PIWIL2: variants seen among roughly 807,000 people sequenced by gnomAD.
PIWIL2 encodes piwi-like protein 2.
Under a neutral mutation model 116.5 loss-of-function variants are expected in PIWIL2, and 81 were observed. The ratio of observed to expected loss-of-function variants is 0.70; its 90% CI spans 0.58 to 0.84. The LOEUF (loss-of-function observed/expected upper bound fraction) is 0.84. PIWIL2 is among the 40% of genes least tolerant of loss of function. The probability of loss-of-function intolerance (pLI) is 0.00; values close to 1 mark genes in which losing one functional copy is unlikely to be tolerated. For synonymous variants in PIWIL2, 489 were observed against 429.5 expected (o/e 1.14, Z -1.71); for missense variants, 1,272 against 1,212.3 (o/e 1.05, Z -0.73).
At chr8:22,349,100 G>A (rs1462032419) in intron 20 of PIWIL2, among the ~76,000 whole-genome samples, 1 of 146,918 alleles carries the variant, frequency 6.8e-6, no homozygotes, top group African/African-American at 2.5e-5. Context: ...CCAGGCTGGA[G>A]TGCAGAGGCA....
In PIWIL2 at chr8:22,335,269, ATTACAT is replaced by A. The variant is rs567198156; in HGVS notation, c.2403+16996_2403+17001del. ...AGATGTAAAGATCACCTTATTAATA[ATTACAT>A]TAAGTGTAACTGAACTCAACACTCA... On this transcript the variant is annotated intron_variant, in intron 20 of 22. Coordinates refer to ENST00000356766, the MANE Select transcript of PIWIL2 (RefSeq NM_018068.5). Among the ~76,000 whole-genome samples, 64 of 152,306 alleles carry A rather than the reference ATTACAT, an allele frequency of 4.2e-4. 1 individual carries two copies. Among genetic ancestry groups the A allele is most frequent in the African/African-American group, 1.5e-3 (64 of 41,562 alleles).
rs577580149 is a variant in PIWIL2 at position 22,338,073 on chromosome 8, CAA to C, written c.2404-14885_2404-14884del. ...CATGCCACTGCTACAGCCTGTGTGA[CAA>C]GAGCGAGACTCCATCTCAAAAAAAA... On this transcript the variant is annotated intron_variant, in intron 20 of 22. Coordinates refer to ENST00000356766, the MANE Select transcript of PIWIL2 (RefSeq NM_018068.5). Among the ~76,000 whole-genome samples, 66 of 150,222 alleles carry C rather than the reference CAA, an allele frequency of 4.4e-4. 1 individual carries two copies. Among genetic ancestry groups the C allele is most frequent in the African/African-American group, 1.6e-3 (66 of 40,758 alleles).
intron 10 of PIWIL2, among the ~76,000 whole-genome samples, chr8:22,290,860 G>A (rs1176302111): frequency 1.3e-5 from 2 of 151,954 alleles, no homozygotes; most frequent in African/African-American, 4.8e-5. Flanking sequence ...TTGAGAAGGA[G>A]TTTTGTTTAA....
chr8:22,334,028 C>T (rs1831923181), intron 20 of PIWIL2, among the ~76,000 whole-genome samples: 1 of 150,220 alleles, frequency 6.7e-6, no homozygotes. Context: ...GGATGGAGTG[C>T]AGTGGTAGGA....
rs1304454872 is a variant in PIWIL2 at position 22,314,336 on chromosome 8, A to G, written c.1998A>G (p.Ile666Met). 8 of 1,551,174 alleles carry G rather than the reference A, an allele frequency of 5.2e-6. No individual in the cohort carries two copies. In the South Asian group the frequency reaches 8.6e-5, roughly 17 times the overall value. The change falls in exon 17 of 23, where the codon ATA (isoleucine) becomes ATG (methionine). Residue 666 changes from isoleucine to methionine, a missense_variant. Ile to Met is a conservative substitution (Grantham distance 10). Coordinates refer to ENST00000356766, the MANE Select transcript of PIWIL2 (RefSeq NM_018068.5). ...IQSTLGAEGK[I>M]QMVVCIIMGP... The stretch of plus-strand genomic sequence containing the variant: ...TACCTTATCTCCTCAAGGGGAAGAT[A>G]CAGATGGTTGTTTGCATCATCATGG...
At position 22,353,764 on chromosome 8, in the gene PIWIL2, CTTTTTTTTTTTTT is replaced by C. The variant is rs760913894; in HGVS notation, c.2658-491_2658-479del. Among the ~76,000 whole-genome samples, 40 of 68,368 alleles carry C rather than the reference CTTTTTTTTTTTTT, an allele frequency of 5.9e-4. 3 individuals carry two copies. The highest frequency in any genetic ancestry group is 0.031 in the Middle Eastern group (2 of 64). The allele number at this position is 68,368 out of a possible 152,430, so 44.9% of individuals were successfully genotyped here. A position where few individuals can be genotyped will look rare whatever the true frequency, so the allele number is the denominator to read the frequency against. ...CAGGAAGATAAGGGAGTTTCTACCA[CTTTTTTTTTTTTT>C]TTTTTTTTTTTTTTTGAGGCAGGGT... On this transcript the variant is annotated intron_variant, in intron 21 of 22. Transcript: ENST00000356766.
intron 20 of PIWIL2, chr8:22,321,977 C>G: frequency 1.0e-6 from 1 of 984,974 alleles, no homozygotes; most frequent in Non-Finnish European, 1.2e-6. Flanking sequence ...CACTTGTCCT[C>G]TGGACTCGCA....
In PIWIL2 at chr8:22,315,121, G is replaced by A. The variant is rs1382835135; in HGVS notation, c.2184G>A (p.Glu728=). The change falls in exon 18 of 23, where the codon GAG becomes GAA. Residue 728 remains glutamate, a synonymous_variant. Coordinates refer to ENST00000356766, the MANE Select transcript of PIWIL2 (RefSeq NM_018068.5). The part of the protein sequence containing the change: ...LLQINCKLGG[E]LWGVDIPLKQ... ...AGATTAACTGTAAATTGGGTGGTGA[G>A]CTCTGGGGAGTGGATATTCCTCTGG... 3.1e-6 allele frequency: 5 copies of A among 1,602,634 alleles called. No individual in the cohort carries two copies. The highest frequency in any genetic ancestry group is 1.7e-5 in the Admixed American group (1 of 59,998).
chr8:22,287,630 T>G lies in PIWIL2; in HGVS notation c.846T>G (p.Pro282=). ...TAFDGSILYL[P]VKLQQVLELK... ...TTGATGGATCTATTCTCTATCTGCC[T>G]GTTAAGCTTCAACAAGTGAGACCAA... is the stretch of plus-strand genomic sequence containing the variant. The change falls in exon 7 of 23, where the codon CCT becomes CCG. Residue 282 remains proline, a synonymous_variant. Transcript: ENST00000356766. 4 of 1,602,372 alleles carry G rather than the reference T, an allele frequency of 2.5e-6. No homozygotes were observed. Among genetic ancestry groups the G allele is most frequent in the Non-Finnish European group, 3.4e-6 (4 of 1,169,190 alleles).
chr8:22,292,516 A>C (rs868678689), intron 10 of PIWIL2, among the ~76,000 whole-genome samples: 12 of 152,302 alleles, frequency 7.9e-5, no homozygotes, highest in South Asian at 2.1e-4. Context: ...ACTTTTTTAT[A>C]ATTATTCTGT....
Position 22,282,887 on chromosome 8 carries a change from G to T in PIWIL2, c.426-147G>T, listed in dbSNP as rs878937556. ...TTACAGGCGTGAGCCACTGTGCCTG[G>T]CCTTGGCATATGTAGTTTGAGAGAA... On this transcript the variant is annotated intron_variant, in intron 4 of 22. Transcript: ENST00000356766. 5.7e-5 allele frequency: 39 copies of T among 678,328 alleles called. No individual in the cohort carries two copies. In the South Asian group the frequency reaches 6.3e-4, roughly 11 times the overall value. 42.0% of individuals were successfully genotyped at this position (678,328 alleles called of 1,614,324 possible).
chr8:22,276,567 G>A (rs1004614311), intron 1 of PIWIL2, among the ~76,000 whole-genome samples: 4 of 152,172 alleles, frequency 2.6e-5, no homozygotes, highest in African/African-American at 4.8e-5. Context: ...GCCCACCTTG[G>A]CCTTCCAGAG....
intron 20 of PIWIL2, 57 bp from the exon 21 acceptor site, chr8:22,352,902 A>G: frequency 1.3e-6 from 2 of 1,552,356 alleles, no homozygotes; most frequent in East Asian, 2.3e-5. Context: ...CCTCTCACTG[A>G]CTGTGGTCCG....
In PIWIL2 at chr8:22,357,394, T is replaced by G. The variant is rs970393211; in HGVS notation, c.*1889T>G. Reference sequence around the variant, plus strand: ...CTTGGAAGCGTTTTGAATTTTTCTGTTGAAGTTGGATTTCCTAATACTTTT... The same window carrying G: ...CTTGGAAGCGTTTTGAATTTTTCTGGTGAAGTTGGATTTCCTAATACTTTT... On this transcript the variant is annotated 3_prime_UTR_variant, in exon 23 of 23. Coordinates refer to ENST00000356766, the MANE Select transcript of PIWIL2 (RefSeq NM_018068.5). 4 of 152,230 alleles carry G rather than the reference T, an allele frequency of 2.6e-5. No individual in the cohort carries two copies. Among genetic ancestry groups the G allele is most frequent in the African/African-American group, 9.6e-5 (4 of 41,464 alleles). The allele number at this position is 152,230 out of a possible 1,614,324, so 9.4% of individuals were successfully genotyped here. A position where few individuals can be genotyped will look rare whatever the true frequency, so the allele number is the denominator to read the frequency against.
In PIWIL2 at chr8:22,281,120, G is replaced by T; in HGVS notation, c.199G>T (p.Glu67Ter). ...PSTQRGPAQR[E>*]SVGLVSMFRG... ...AACTTTATTCTTTGACTTTCCACAG[G>T]AGTCTGTGGGTTTGGTCTCCATGTT... The change falls in exon 3 of 23, where the codon GAG becomes TAG. Residue 67 changes from glutamate to a stop codon, truncating the protein, a stop_gained and splice_region_variant. Coordinates refer to ENST00000356766, the MANE Select transcript of PIWIL2 (RefSeq NM_018068.5). LOFTEE classifies it high-confidence loss of function. 1 of 1,598,608 alleles carries T rather than the reference G, an allele frequency of 6.3e-7. No homozygotes were observed. Among genetic ancestry groups the T allele is most frequent in the Non-Finnish European group, 8.5e-7 (1 of 1,170,970 alleles).
At position 22,287,643 on chromosome 8, in the gene PIWIL2, C is replaced by G; in HGVS notation, c.859C>G (p.Gln287Glu). The G allele has an allele frequency of 6.5e-7, 1 of 1,550,166 alleles. No homozygotes were observed. The change falls in exon 7 of 23, where the codon CAA (glutamine) becomes GAA (glutamate). Residue 287 changes from glutamine to glutamate, a missense_variant and splice_region_variant. Physicochemically the swap from Gln to Glu is conservative, Grantham distance 29 (BLOSUM62 2). Transcript: ENST00000356766. ...SILYLPVKLQ[Q>E]VLELKSQRKT... ...TCTCTATCTGCCTGTTAAGCTTCAACAAGTGAGACCAAACAGGAAATGGAC... is the reference window on the plus strand; with the variant it reads ...TCTCTATCTGCCTGTTAAGCTTCAAGAAGTGAGACCAAACAGGAAATGGAC...
chr8:22,355,243 A>G, intron 22 of PIWIL2, 106 bp from the exon 23 acceptor site: 1 of 1,043,192 alleles, frequency 9.6e-7, no homozygotes, highest in Non-Finnish European at 1.4e-6. Flanking sequence ...CCCAGTTTTC[A>G]GGAAGGTGTG....
intron 20 of PIWIL2, among the ~76,000 whole-genome samples, chr8:22,338,673 C>T (rs988291417): frequency 6.0e-5 from 9 of 150,412 alleles, no homozygotes; most frequent in Non-Finnish European, 1.0e-4. Context: ...GCCTGGGTGA[C>T]GGCGAGACTC....
intron 10 of PIWIL2, among the ~76,000 whole-genome samples, chr8:22,299,801 C>A (rs1237704480): frequency 6.6e-6 from 1 of 152,230 alleles, no homozygotes; most frequent in Non-Finnish European, 1.5e-5. Context: ...CCTCTTCCCA[C>A]TTCTGTTCCT....
Sources: allele counts gnomAD v4.1 joint callset (sites outside exome capture counted in the v4.1 genomes callset), GRCh38; gene constraint gnomAD v4.1.1; transcripts MANE v1.5; gene names NCBI Gene and HGNC (gene_info 2026-07-23, HGNC 2026-07-21).